NRIP1: variants seen among roughly 807,000 people sequenced by gnomAD.
NRIP1 encodes nuclear receptor-interacting protein 1.
Under a neutral mutation model 75.0 loss-of-function variants are expected in NRIP1, and 28 were observed. That is an observed-to-expected ratio of 0.37 (90% CI 0.28 to 0.51). The LOEUF is 0.51. Ranked by LOEUF, NRIP1 falls within the 20% of genes least tolerant of loss-of-function variation. The pLI is 0.92. For missense variants in NRIP1, 1,435 were observed against 1,343.7 expected, an observed-to-expected ratio of 1.07 and a Z score of -1.06; for synonymous variants, 526 against 487.6, an observed-to-expected ratio of 1.08 and a Z score of -1.04.
intron 3 of NRIP1, among the ~76,000 whole-genome samples, chr21:15,005,463 ATTT>A (rs1396953549): frequency 6.6e-6 from 1 of 152,034 alleles, no homozygotes; most frequent in African/African-American, 2.4e-5. Context: ...TCACCGCATA[ATTT>A]TTTTGTTGTT....
chr21:15,036,637 T>TAA, intron 2 of NRIP1, among the ~76,000 whole-genome samples: 1 of 152,232 alleles, frequency 6.6e-6, no homozygotes, highest in Admixed American at 6.5e-5. Context: ...ATTTCATTCT[T>TAA]AGATACTGTT....
intron 3 of NRIP1, among the ~76,000 whole-genome samples, chr21:15,011,827 T>C (rs1479355824): frequency 6.6e-6 from 1 of 152,120 alleles, no homozygotes; most frequent in East Asian, 1.9e-4. Flanking sequence ...TAAAGTCCTA[T>C]AAAATATAAA....
intron 1 of NRIP1, among the ~76,000 whole-genome samples, chr21:15,046,289 T>C (rs886111814): frequency 6.6e-6 from 1 of 152,214 alleles, no homozygotes; most frequent in Non-Finnish European, 1.5e-5. Flanking sequence ...AGAATAGATG[T>C]TGTATTAGCA....
At chr21:15,046,647 G>A (rs910336215) in intron 1 of NRIP1, among the ~76,000 whole-genome samples, 1 of 152,250 alleles carries the variant, frequency 6.6e-6, no homozygotes. Flanking sequence ...CCAGGCATTG[G>A]TTTCTCCTCT....
chr21:15,049,069 G>A (rs2089149004), intron 1 of NRIP1, among the ~76,000 whole-genome samples: 1 of 151,948 alleles, frequency 6.6e-6, no homozygotes, highest in African/African-American at 2.4e-5. Context: ...AAATTAATCT[G>A]CCTAAATAAA....
intron 3 of NRIP1, among the ~76,000 whole-genome samples, chr21:14,989,128 T>C (rs2087496542): frequency 6.6e-6 from 1 of 152,320 alleles, no homozygotes; most frequent in African/African-American, 2.4e-5. Flanking sequence ...CCTAAGATAC[T>C]GCAGTAACAT....
chr21:15,032,298 AC>A (rs2088722568), intron 2 of NRIP1, among the ~76,000 whole-genome samples: 1 of 152,220 alleles, frequency 6.6e-6, no homozygotes, highest in African/African-American at 2.4e-5. Flanking sequence ...AGTCTTAAAA[AC>A]TTTGAAAATT....
At chr21:14,999,780 A>C (rs1248383789) in intron 3 of NRIP1, among the ~76,000 whole-genome samples, 2 of 152,192 alleles carry the variant, frequency 1.3e-5, no homozygotes, top group African/African-American at 4.8e-5. Context: ...GAACTTAGGG[A>C]AGTATCACCC....
intron 2 of NRIP1, among the ~76,000 whole-genome samples, chr21:15,025,361 T>C (rs888555651): frequency 1.4e-4 from 21 of 152,204 alleles, no homozygotes; most frequent in African/African-American, 4.8e-4. Context: ...ATCAGTATGA[T>C]CAAGGGATGA....
chr21:15,010,385 G>C (rs1216088940), intron 3 of NRIP1, among the ~76,000 whole-genome samples: 1 of 149,214 alleles, frequency 6.7e-6, no homozygotes, highest in African/African-American at 2.5e-5. Context: ...TCATGGAAAA[G>C]GAAAAAAAAA....
chr21:14,981,522 A>C (rs149635030), intron 3 of NRIP1, among the ~76,000 whole-genome samples: 1 of 152,168 alleles, frequency 6.6e-6, no homozygotes, highest in African/African-American at 2.4e-5. Flanking sequence ...GAGACTCAGG[A>C]GGCTTTAGAG....
rs117126955 is a variant in NRIP1, at chr21:14,994,124, T to G, written c.-335+20220A>C. Reference sequence around the variant, plus strand: ...TTAAAGGCAAATTGCAAGATTTTTTTGGGGGTGGGGTGGGGGCGCAGACTG... The same window carrying G: ...TTAAAGGCAAATTGCAAGATTTTTTGGGGGGTGGGGTGGGGGCGCAGACTG... On this transcript the variant is annotated intron_variant, in intron 3 of 3. Transcript: ENST00000318948. Among the ~76,000 whole-genome samples the G allele has an allele frequency of 0.019, 2,912 of 152,024 alleles. 242 individuals are homozygous for G. The East Asian group carries it at 0.28, about 15-fold the overall frequency.
At chr21:15,028,307 T>C (rs1033283930) in intron 2 of NRIP1, among the ~76,000 whole-genome samples, 11 of 152,220 alleles carry the variant, frequency 7.2e-5, no homozygotes, top group African/African-American at 2.4e-4. Context: ...TTGCATAAGA[T>C]ATACTGTACT....
chr21:15,003,792 C>T (rs1056892810), intron 3 of NRIP1, among the ~76,000 whole-genome samples: 1 of 152,174 alleles, frequency 6.6e-6, no homozygotes, highest in Non-Finnish European at 1.5e-5. Flanking sequence ...ATTACAGCAA[C>T]CTTTCAACCC....
At chr21:15,061,201 C>T (rs912539802) in intron 1 of NRIP1, among the ~76,000 whole-genome samples, 1 of 152,096 alleles carries the variant, frequency 6.6e-6, no homozygotes, top group African/African-American at 2.4e-5. Context: ...AATATTTCTC[C>T]AGTTGGAAGA....
At chr21:15,058,595 G>T (rs551746127) in intron 1 of NRIP1, among the ~76,000 whole-genome samples, 2 of 152,140 alleles carry the variant, frequency 1.3e-5, no homozygotes, top group Non-Finnish European at 2.9e-5. Flanking sequence ...CAAGAGAGAA[G>T]TCCTTTTTTC....
At chr21:15,029,153 G>C (rs1234823277) in intron 2 of NRIP1, among the ~76,000 whole-genome samples, 2 of 152,138 alleles carry the variant, frequency 1.3e-5, no homozygotes, top group African/African-American at 4.8e-5. Context: ...TGGTTTCCTT[G>C]CTTCTGTTTT....
rs1455869353 is a variant in NRIP1, at chr21:15,064,872, G to A, written c.-665C>T. The A allele has an allele frequency of 1.4e-5, 2 of 148,090 alleles. No homozygotes were observed. The highest frequency in any genetic ancestry group is 2.4e-5 in the African/African-American group (1 of 41,004). 9.2% of individuals were successfully genotyped at this position (148,090 alleles called of 1,614,324 possible). ...GACCAGCGGCGCTCACGGCGCAGCG[G>A]CGGACGCGAGGCCACGGGCGGACGG... On this transcript the variant is annotated 5_prime_UTR_variant, in exon 1 of 4. Coordinates refer to ENST00000318948, the MANE Select transcript of NRIP1 (RefSeq NM_003489.4).
At chr21:14,979,064 C>T (rs1465699889) in intron 3 of NRIP1, among the ~76,000 whole-genome samples, 1 of 152,170 alleles carries the variant, frequency 6.6e-6, no homozygotes, top group African/African-American at 2.4e-5. Context: ...TGTCTATTCA[C>T]TACCTTCTAC....
Sources: gnomAD v4.1 joint callset for allele counts (sites outside exome capture counted in the v4.1 genomes callset) on GRCh38, gnomAD v4.1.1 for gene constraint, MANE v1.5 for transcripts, NCBI Gene and HGNC (gene_info 2026-07-23, HGNC 2026-07-21) for gene names.